Variants in CAMK2D observed in about 807,000 individuals in gnomAD.
The protein encoded by CAMK2D is calcium/calmodulin dependent protein kinase II delta, also known as calcium/calmodulin-dependent protein kinase type II subunit delta.
In CAMK2D, 37 loss-of-function variants were observed where a neutral mutation model predicts 84.0. The ratio of observed to expected loss-of-function variants is 0.44; its 90% CI spans 0.34 to 0.58. CAMK2D has a LOEUF of 0.58. Among genes scored for constraint, CAMK2D ranks in the 20% least tolerant of loss-of-function variants. The pLI, the probability that CAMK2D is intolerant of heterozygous loss-of-function variation, is 0.02. For missense variants in CAMK2D, 448 were observed against 652.5 expected (o/e 0.69, Z 3.41); for synonymous variants, 202 against 212.5 (o/e 0.95, Z 0.43).
At chr4:113,672,525 G>C (rs979777283) in intron 2 of CAMK2D, among the ~76,000 whole-genome samples, 4 of 152,018 alleles carry the variant, frequency 2.6e-5, no homozygotes, top group Admixed American at 1.3e-4. Flanking sequence ...TTCGGTTTAA[G>C]TACTTGCAAA....
chr4:113,713,581 TG>T (rs1427075712), intron 2 of CAMK2D, among the ~76,000 whole-genome samples: 1 of 149,666 alleles, frequency 6.7e-6, no homozygotes, highest in East Asian at 1.9e-4. Flanking sequence ...AGCCAGTAGC[TG>T]CCAATCTAAT....
chr4:113,571,641 AGGC>A (rs1021985786), intron 4 of CAMK2D, among the ~76,000 whole-genome samples: 8 of 152,212 alleles, frequency 5.3e-5, no homozygotes, highest in Admixed American at 5.2e-4. Flanking sequence ...TGGGAGGCCG[AGGC>A]GGGTGGATCA....
At chr4:113,544,285 AG>A (rs1231186046) in intron 6 of CAMK2D, among the ~76,000 whole-genome samples, 1 of 152,172 alleles carries the variant, frequency 6.6e-6, no homozygotes, top group Non-Finnish European at 1.5e-5. Context: ...GAAGACCCAT[AG>A]GCAGGACTAT....
At chr4:113,499,821 G>A (rs1052564533) in intron 16 of CAMK2D, among the ~76,000 whole-genome samples, 3 of 152,174 alleles carry the variant, frequency 2.0e-5, no homozygotes, top group African/African-American at 7.2e-5. Flanking sequence ...AAACAGTGAT[G>A]TGGCCAAAGG....
chr4:113,693,356 C>T (rs1448236932), intron 2 of CAMK2D, among the ~76,000 whole-genome samples: 1 of 152,032 alleles, frequency 6.6e-6, no homozygotes, highest in East Asian at 1.9e-4. Context: ...AAAATGCTAA[C>T]AGATTTTTTT....
intron 4 of CAMK2D, among the ~76,000 whole-genome samples, chr4:113,579,398 T>C (rs2154239130): frequency 6.6e-6 from 1 of 152,346 alleles, no homozygotes; most frequent in South Asian, 2.1e-4. Context: ...TGTTGAAATG[T>C]GACCCCTACT....
rs1392958192 is a variant in CAMK2D, at chr4:113,559,044, T to C, written c.276-6948A>G. Among the ~76,000 whole-genome samples the C allele has an allele frequency of 4.6e-5, 7 of 152,184 alleles. No homozygotes were observed. The East Asian group carries it at 1.4e-3, about 29-fold the overall frequency. On this transcript the variant is annotated intron_variant, in intron 4 of 20. Transcript: ENST00000511664. Reference sequence around the variant, plus strand: ...AGAGGTAAATGGAAGATTACTAACATGTCATGCATTTCAAACGTTATCTGA... The same window carrying C: ...AGAGGTAAATGGAAGATTACTAACACGTCATGCATTTCAAACGTTATCTGA...
chr4:113,453,883 A>G lies in CAMK2D; in HGVS notation c.*662T>C, dbSNP rs1157231636. The G allele has an allele frequency of 6.6e-6, 1 of 152,666 alleles. No individual in the cohort carries two copies. Among genetic ancestry groups the G allele is most frequent in the Admixed American group, 6.5e-5 (1 of 15,282 alleles). 9.5% of individuals were successfully genotyped at this position (152,666 alleles called of 1,614,324 possible). A position where few individuals can be genotyped will look rare whatever the true frequency, so the allele number is the denominator to read the frequency against. ...GTGATTAAACTCAGAAATGATGTGA[A>G]TTTTTCCAGTTTACACAGTTTGACC... On this transcript the variant is annotated 3_prime_UTR_variant, in exon 21 of 21. Transcript: ENST00000511664.
intron 16 of CAMK2D, among the ~76,000 whole-genome samples, chr4:113,474,809 G>A (rs2097586030): frequency 6.6e-6 from 1 of 151,928 alleles, no homozygotes; most frequent in Non-Finnish European, 1.5e-5. Flanking sequence ...ACCACACCCA[G>A]CTAATTTTTG....
chr4:113,556,499 G>A (rs1461329932), intron 4 of CAMK2D, among the ~76,000 whole-genome samples: 3 of 152,174 alleles, frequency 2.0e-5, no homozygotes, highest in Non-Finnish European at 4.4e-5. Flanking sequence ...ACTGGTCAGT[G>A]TGAAGCTGAT....
At chr4:113,611,322 A>G (rs72678764) in intron 3 of CAMK2D, among the ~76,000 whole-genome samples, 1 of 152,140 alleles carries the variant, frequency 6.6e-6, no homozygotes, top group Non-Finnish European at 1.5e-5. Flanking sequence ...AGTTTCAGAG[A>G]TATCTCACTT....
intron 2 of CAMK2D, among the ~76,000 whole-genome samples, chr4:113,752,823 T>A (rs914583651): frequency 2.0e-5 from 3 of 152,168 alleles, no homozygotes; most frequent in Admixed American, 2.0e-4. Flanking sequence ...TTCACTTTGA[T>A]CTTGTTATAG....
In CAMK2D at chr4:113,732,591, T is replaced by C. The variant is rs80051471; in HGVS notation, c.160+26729A>G. ...TATCAATTACATGATAATTCACATA[T>C]TTTTACATATTTTAATCAGCGTGCA... is the stretch of plus-strand genomic sequence containing the variant. On this transcript the variant is annotated intron_variant, in intron 2 of 20. Coordinates refer to ENST00000511664, the MANE Select transcript of CAMK2D (RefSeq NM_001321571.2). 7.7e-3 allele frequency among the ~76,000 whole-genome samples: 1,166 copies of C among 152,310 alleles called. 20 individuals carry two copies. Among genetic ancestry groups the C allele is most frequent in the African/African-American group, 0.026 (1,088 of 41,542 alleles).
intron 16 of CAMK2D, among the ~76,000 whole-genome samples, chr4:113,477,146 G>A (rs1348317690): frequency 6.6e-6 from 1 of 152,268 alleles, no homozygotes; most frequent in East Asian, 1.9e-4. Flanking sequence ...CAGCAGATGA[G>A]AAGAATCCAT....
chr4:113,599,538 G>C (rs182472370), intron 4 of CAMK2D, among the ~76,000 whole-genome samples: 131 of 152,156 alleles, frequency 8.6e-4, no homozygotes, highest in African/African-American at 3.0e-3. Flanking sequence ...AAAATAAATA[G>C]AAGAAATCTA....
At position 113,718,987 on chromosome 4, in the gene CAMK2D, AAATAGATAAC is replaced by A. The variant is rs149819123; in HGVS notation, c.160+40323_160+40332del. On this transcript the variant is annotated intron_variant, in intron 2 of 20. Coordinates refer to ENST00000511664, the MANE Select transcript of CAMK2D (RefSeq NM_001321571.2). ...TGAAAATCTAAATTAAAAATGAATG[AAATAGATAAC>A]AATTTAACAATATGCTAACATCTAT... Among the ~76,000 whole-genome samples the A allele has an allele frequency of 5.3e-3, 802 of 152,322 alleles. 6 individuals carry two copies. The highest frequency in any genetic ancestry group is 0.018 in the African/African-American group (760 of 41,562).
At chr4:113,480,080 G>A (rs1028580546) in intron 16 of CAMK2D, among the ~76,000 whole-genome samples, 11 of 152,030 alleles carry the variant, frequency 7.2e-5, no homozygotes, top group Non-Finnish European at 1.5e-4. Flanking sequence ...TCCTGCCTCA[G>A]CCTCCTGAGT....
intron 13 of CAMK2D, among the ~76,000 whole-genome samples, chr4:113,507,489 G>A (rs1283529629): frequency 6.6e-6 from 1 of 151,468 alleles, no homozygotes; most frequent in Non-Finnish European, 1.5e-5. Flanking sequence ...GGCTGGTCTC[G>A]AACTCCTGAT....
At chr4:113,701,463 C>A (rs573226900) in intron 2 of CAMK2D, among the ~76,000 whole-genome samples, 7 of 152,204 alleles carry the variant, frequency 4.6e-5, no homozygotes, top group African/African-American at 1.7e-4. Context: ...CAAAAGGGTG[C>A]AGAATTGAAC....
Sources: gnomAD v4.1 joint callset for allele counts (sites outside exome capture counted in the v4.1 genomes callset) on GRCh38, gnomAD v4.1.1 for gene constraint, MANE v1.5 for transcripts, NCBI Gene and HGNC (gene_info 2026-07-23, HGNC 2026-07-21) for gene names.